The following RAB4A variants were observed in gnomAD, a reference collection of about 807,000 sequenced individuals.
RAB4A encodes the protein RAB4A, member RAS oncogene family.
RAB4A carries 20 observed loss-of-function variants against 34.5 expected under a neutral mutation model. The observed-to-expected ratio is 0.58, with a 90% CI of 0.41 to 0.84. The LOEUF (loss-of-function observed/expected upper bound fraction) is 0.84, where lower values mean the gene tolerates loss of function less well. RAB4A is among the 40% of genes least tolerant of loss of function. RAB4A has a pLI of 0.00. For synonymous variants in RAB4A, 102 were observed against 100.0 expected (o/e 1.02, Z -0.12); for missense variants, 228 against 274.5 (o/e 0.83, Z 1.20).
Position 229,302,292 on chromosome 1 carries a change from TA to T in RAB4A, c.542-569del, listed in dbSNP as rs56090827. Among the ~76,000 whole-genome samples, 89 of 24,980 alleles carry T rather than the reference TA, an allele frequency of 3.6e-3. 4 individuals carry two copies. The highest frequency in any genetic ancestry group is 5.1e-3 in the Non-Finnish European group (69 of 13,646). 16.4% of individuals were successfully genotyped at this position (24,980 alleles called of 152,430 possible). ...ATATATATATATATATATATATATA[TA>T]TATATATATATATATATTTTTTTTT... is the stretch of plus-strand genomic sequence containing the variant. On this transcript the variant is annotated intron_variant, in intron 6 of 7. Coordinates refer to ENST00000366690, the MANE Select transcript of RAB4A (RefSeq NM_004578.4).
At chr1:229,275,065 G>A (rs1656605041) in intron 1 of RAB4A, among the ~76,000 whole-genome samples, 1 of 152,162 alleles carries the variant, frequency 6.6e-6, no homozygotes, top group Non-Finnish European at 1.5e-5. Context: ...AGGTTGAATT[G>A]TGTTCCCCAA....
At chr1:229,277,284 C>T (rs1656675805) in intron 1 of RAB4A, among the ~76,000 whole-genome samples, 1 of 150,786 alleles carries the variant, frequency 6.6e-6, no homozygotes, top group South Asian at 2.1e-4. Flanking sequence ...TCCGCTGTGC[C>T]GACAACGTTT....
chr1:229,271,460 G>A (rs1282079684), intron 1 of RAB4A, 90 bp downstream of exon 1: 27 of 1,068,772 alleles, frequency 2.5e-5, no homozygotes, highest in Non-Finnish European at 2.9e-5. Flanking sequence ...GGGTCTTGAG[G>A]GTGGCGGTGG....
chr1:229,297,442 T>C (rs769551197), intron 4 of RAB4A, 40 bp from the exon 5 acceptor site: 47 of 1,546,808 alleles, frequency 3.0e-5, no homozygotes, highest in Non-Finnish European at 4.0e-5. Context: ...GCTAGTTTTA[T>C]AAAATACATG....
intron 6 of RAB4A, among the ~76,000 whole-genome samples, chr1:229,301,341 G>A (rs558580839): frequency 6.6e-6 from 1 of 152,054 alleles, no homozygotes; most frequent in African/African-American, 2.4e-5. Flanking sequence ...AGGGTGCTAG[G>A]TGAAGTAGGA....
At chr1:229,299,456 G>A (rs988607118) in intron 6 of RAB4A, among the ~76,000 whole-genome samples, 5 of 152,194 alleles carry the variant, frequency 3.3e-5, no homozygotes, top group African/African-American at 1.2e-4. Flanking sequence ...GTGTAAGGGA[G>A]TTATAGGTAC....
intron 1 of RAB4A, among the ~76,000 whole-genome samples, chr1:229,283,717 C>G (rs1571825660): frequency 6.6e-6 from 1 of 151,480 alleles, no homozygotes. Context: ...TTTTGCTCCA[C>G]TCTTTCAGAG....
rs150910013 is a variant in RAB4A, at chr1:229,284,598, A to G, written c.32-1888A>G. On this transcript the variant is annotated intron_variant, in intron 1 of 7. Coordinates refer to ENST00000366690, the MANE Select transcript of RAB4A (RefSeq NM_004578.4). ...TTGCTTTCGGACCTTTGGAATCAAG[A>G]CACCTAGTTTCTTTACAAGCCTTCT... Among the ~76,000 whole-genome samples the G allele has an allele frequency of 6.3e-3, 954 of 152,196 alleles. 3 individuals carry two copies. Among genetic ancestry groups the G allele is most frequent in the South Asian group, 0.011 (54 of 4,816 alleles).
chr1:229,286,557 GA>G lies in RAB4A; in HGVS notation c.111del (p.Lys37AsnfsTer10), dbSNP rs781323910. On this transcript the variant is annotated frameshift_variant, in exon 2 of 8. Transcript: ENST00000366690. LOFTEE classifies it high-confidence loss of function. Reference sequence around the variant, plus strand: ...ATCTTGCTTACTTCATCAGTTTATTGAAAAAAAATGTAAGTGTCATGAAATT... The same window carrying G: ...ATCTTGCTTACTTCATCAGTTTATTGAAAAAAATGTAAGTGTCATGAAATT... ...GKSCLLHQFI[E>X]KKFKDDSNHT... 79 of 1,555,356 alleles carry G rather than the reference GA, an allele frequency of 5.1e-5. No homozygotes were observed. Among genetic ancestry groups the G allele is most frequent in the Admixed American group, 1.3e-4 (7 of 52,056 alleles).
chr1:229,297,408 T>C, intron 4 of RAB4A, 74 bp from the exon 5 acceptor site: 1 of 1,434,754 alleles, frequency 7.0e-7, no homozygotes, highest in Non-Finnish European at 9.4e-7. Flanking sequence ...GCGGTATGAG[T>C]AGTGAGAATG....
At position 229,305,751 on chromosome 1, in the gene RAB4A, A is replaced by G. The variant is rs1657533396; in HGVS notation, c.*1958A>G. 6.6e-6 allele frequency: 1 copy of G among 152,442 alleles called. No individual in the cohort carries two copies. The highest frequency in any genetic ancestry group is 6.5e-5 in the Admixed American group (1 of 15,296). 9.4% of individuals were successfully genotyped at this position (152,442 alleles called of 1,614,324 possible). On this transcript the variant is annotated 3_prime_UTR_variant, in exon 8 of 8. Coordinates refer to ENST00000366690, the MANE Select transcript of RAB4A (RefSeq NM_004578.4). ...AGTCCAGCATTTAAGTGAAAATGAGAACATCACAATTTGGGAATCTGTAAT... is the reference window on the plus strand; with the variant it reads ...AGTCCAGCATTTAAGTGAAAATGAGGACATCACAATTTGGGAATCTGTAAT...
rs768362789 is a variant in RAB4A, at chr1:229,288,712, T to C, written c.113-17T>C. 1.5e-6 allele frequency: 2 copies of C among 1,291,170 alleles called. No individual in the cohort carries two copies. The highest frequency in any genetic ancestry group is 2.5e-5 in the South Asian group (2 of 79,186). The allele number at this position is 1,291,170 out of a possible 1,614,324, so 80.0% of individuals were successfully genotyped here. ...TGTTCTAAAATTAAATATGCTGTTC[T>C]TGTTTTTCTTTTTTAGTCAAAGATG... is the stretch of plus-strand genomic sequence containing the variant. On this transcript the variant is annotated splice_polypyrimidine_tract_variant and intron_variant, in intron 2 of 7. Transcript: ENST00000366690.
intron 1 of RAB4A, among the ~76,000 whole-genome samples, chr1:229,274,117 A>G (rs1002880666): frequency 2.0e-4 from 29 of 144,162 alleles, no homozygotes; most frequent in African/African-American, 7.5e-4. Flanking sequence ...CAGTGACACA[A>G]TCACGGCTCA....
At chr1:229,297,755 A>AC in intron 5 of RAB4A, 119 bp downstream of exon 5, 1 of 1,143,614 alleles carries the variant, frequency 8.7e-7, no homozygotes, top group Non-Finnish European at 1.2e-6. Context: ...GGAAATGTGG[A>AC]ATTTCCAATT....
At chr1:229,287,723 T>G (rs1001219480) in intron 2 of RAB4A, among the ~76,000 whole-genome samples, 7 of 152,298 alleles carry the variant, frequency 4.6e-5, no homozygotes, top group African/African-American at 1.7e-4. Context: ...CTAATGGAAT[T>G]TCCATACTAG....
intron 1 of RAB4A, among the ~76,000 whole-genome samples, chr1:229,273,318 A>C (rs1656548243): frequency 6.6e-6 from 1 of 152,258 alleles, no homozygotes; most frequent in Non-Finnish European, 1.5e-5. Flanking sequence ...TTACATTCTG[A>C]TCATAAGGCT....
chr1:229,302,288 TATATATATATATATATATA>T lies in RAB4A; in HGVS notation c.542-573_542-555del, dbSNP rs1397201339. Among the ~76,000 whole-genome samples, 63 of 24,120 alleles carry T rather than the reference TATATATATATATATATATA, an allele frequency of 2.6e-3. 5 individuals are homozygous for T. The highest frequency in any genetic ancestry group is 3.6e-3 in the Non-Finnish European group (44 of 12,210). The allele number at this position is 24,120 out of a possible 152,430, so 15.8% of individuals were successfully genotyped here. The stretch of plus-strand genomic sequence containing the variant: ...ATATATATATATATATATATATATA[TATATATATATATATATATA>T]TATTTTTTTTTTTTTTTTACATGTG... On this transcript the variant is annotated intron_variant, in intron 6 of 7. Transcript: ENST00000366690.
At chr1:229,287,395 A>G (rs891458772) in intron 2 of RAB4A, among the ~76,000 whole-genome samples, 2 of 152,240 alleles carry the variant, frequency 1.3e-5, no homozygotes, top group African/African-American at 2.4e-5. Context: ...GTTTAGTGAC[A>G]TGGACCCAGT....
chr1:229,281,395 G>C (rs1178099365), intron 1 of RAB4A, among the ~76,000 whole-genome samples: 1 of 151,952 alleles, frequency 6.6e-6, no homozygotes, highest in Non-Finnish European at 1.5e-5. Flanking sequence ...GACCCTTTCT[G>C]TCTCTGGTTA....
Sources: gnomAD v4.1 joint callset for allele counts (sites outside exome capture counted in the v4.1 genomes callset) on GRCh38, gnomAD v4.1.1 for gene constraint, MANE v1.5 for transcripts, NCBI Gene and HGNC (gene_info 2026-07-23, HGNC 2026-07-21) for gene names.